Variants in STPG2 observed in about 807,000 individuals in gnomAD.
STPG2 encodes the protein sperm-tail PG-rich repeat-containing protein 2.
Under a neutral mutation model 54.2 loss-of-function variants are expected in STPG2, and 56 were observed. That is an observed-to-expected ratio of 1.03 (90% CI 0.83 to 1.29). STPG2 has a LOEUF of 1.29. Among genes scored for constraint, STPG2 ranks in the 50% most tolerant of loss-of-function variants. STPG2 has a pLI of 0.00. For missense variants in STPG2, 596 were observed against 544.9 expected (o/e 1.09, Z -0.93); for synonymous variants, 200 against 181.8 (o/e 1.10, Z -0.81).
intron 4 of STPG2, among the ~76,000 whole-genome samples, chr4:97,509,668 T>G (rs1730930214): frequency 1.3e-5 from 2 of 152,058 alleles, no homozygotes; most frequent in Admixed American, 1.3e-4. Context: ...ACTTTTAATA[T>G]TATGGAATAT....
chr4:97,893,466 A>T (rs1730844304), intron 8 of STPG2, among the ~76,000 whole-genome samples: 1 of 152,042 alleles, frequency 6.6e-6, no homozygotes, highest in African/African-American at 2.4e-5. Flanking sequence ...AGGGGTAGGA[A>T]ATTCAGGGCT....
At chr4:97,566,096 G>A (rs1218483162) in intron 10 of STPG2, among the ~76,000 whole-genome samples, 1 of 152,176 alleles carries the variant, frequency 6.6e-6, no homozygotes, top group African/African-American at 2.4e-5. Context: ...CACCCAGTTC[G>A]AGCTTCCAGG....
chr4:97,904,656 T>C (rs1022645129), intron 8 of STPG2, among the ~76,000 whole-genome samples: 2 of 152,130 alleles, frequency 1.3e-5, no homozygotes, highest in African/African-American at 4.8e-5. Flanking sequence ...ATCAAATTAC[T>C]CCGAGCTATG....
intron 8 of STPG2, among the ~76,000 whole-genome samples, chr4:97,879,139 T>A (rs1356103672): frequency 6.9e-6 from 1 of 145,492 alleles, no homozygotes; most frequent in African/African-American, 2.8e-5. Flanking sequence ...ATTGTGCATA[T>A]CATTATCAGA....
At chr4:97,638,880 CT>C (rs1275629066) in intron 10 of STPG2, among the ~76,000 whole-genome samples, 62 of 140,168 alleles carry the variant, frequency 4.4e-4, no homozygotes, top group African/African-American at 1.6e-3. Flanking sequence ...AATAGGAACA[CT>C]TTTACACTGT....
In STPG2 at chr4:97,503,264, T is replaced by G. The variant is rs192366563; in HGVS notation, c.462+209435A>C. 1.6e-4 allele frequency among the ~76,000 whole-genome samples: 25 copies of G among 152,108 alleles called. No homozygotes were observed. The East Asian group carries it at 4.5e-3, about 27-fold the overall frequency. On this transcript the variant is annotated intron_variant, in intron 4 of 4. Transcript: ENST00000522676. ...CTTAAAGTCAGCCATTGTGGAAGTA[T>G]TTACACCATGGAAATAGTCAAATGC... is the stretch of plus-strand genomic sequence containing the variant.
intron 1 of STPG2, 51 bp from the exon 2 acceptor site, chr4:98,134,510 T>C: frequency 8.4e-7 from 1 of 1,186,130 alleles, no homozygotes; most frequent in Admixed American, 2.5e-5. Flanking sequence ...GTCCAAGGAT[T>C]TCAGAGAAAA....
At chr4:97,732,022 C>A (rs1344951014) in intron 9 of STPG2, among the ~76,000 whole-genome samples, 1 of 152,242 alleles carries the variant, frequency 6.6e-6, no homozygotes, top group African/African-American at 2.4e-5. Flanking sequence ...TTGGGAGGGG[C>A]CCACAGACAG....
intron 4 of STPG2, among the ~76,000 whole-genome samples, chr4:97,540,314 A>T (rs1731662335): frequency 5.3e-5 from 8 of 152,194 alleles, no homozygotes; most frequent in Admixed American, 4.6e-4. Flanking sequence ...TCCCACAGAC[A>T]TACAAACTAC....
intron 8 of STPG2, chr4:97,917,415 G>A (rs1188556568): frequency 1.3e-5 from 2 of 152,214 alleles, no homozygotes; most frequent in South Asian, 2.1e-4. Flanking sequence ...CAGGCCAAGC[G>A]AGGGGCAAGC....
chr4:98,135,781 T>C (rs1740118750), intron 1 of STPG2, among the ~76,000 whole-genome samples: 1 of 151,824 alleles, frequency 6.6e-6, no homozygotes, highest in Admixed American at 6.6e-5. Flanking sequence ...AAGGTTCATT[T>C]TGAAAAGGCA....
At chr4:98,059,749 T>G (rs1199041337) in intron 5 of STPG2, among the ~76,000 whole-genome samples, 1 of 151,916 alleles carries the variant, frequency 6.6e-6, no homozygotes, top group African/African-American at 2.4e-5. Context: ...GGATGCAAGG[T>G]TGATTCAACA....
At chr4:97,552,709 T>C (rs993879535) in intron 4 of STPG2, among the ~76,000 whole-genome samples, 4 of 152,164 alleles carry the variant, frequency 2.6e-5, no homozygotes, top group Non-Finnish European at 5.9e-5. Flanking sequence ...TGAAGTGTAA[T>C]ACTTTTGATG....
At chr4:97,678,744 T>C (rs1578473960) in intron 10 of STPG2, among the ~76,000 whole-genome samples, 1 of 151,884 alleles carries the variant, frequency 6.6e-6, no homozygotes, top group African/African-American at 2.4e-5. Flanking sequence ...CATTTAGCAT[T>C]AGGTATATCT....
At chr4:98,029,388 G>A (rs565612411) in intron 5 of STPG2, among the ~76,000 whole-genome samples, 85 of 152,160 alleles carry the variant, frequency 5.6e-4, no homozygotes, top group Middle Eastern at 3.4e-3. Context: ...TAGGATTACC[G>A]TGTCTTCTCG....
At chr4:97,541,289 A>G (rs1560651624) in intron 4 of STPG2, among the ~76,000 whole-genome samples, 1 of 152,182 alleles carries the variant, frequency 6.6e-6, no homozygotes, top group Non-Finnish European at 1.5e-5. Context: ...ATACAAAATC[A>G]ATGTGCAAAA....
intron 8 of STPG2, among the ~76,000 whole-genome samples, chr4:97,929,599 G>A (rs553673849): frequency 6.6e-6 from 1 of 152,222 alleles, no homozygotes; most frequent in South Asian, 2.1e-4. Context: ...TCTCAGTATA[G>A]TTTTGATTTG....
intron 8 of STPG2, among the ~76,000 whole-genome samples, chr4:97,932,499 T>G (rs1386848171): frequency 6.6e-6 from 1 of 152,182 alleles, no homozygotes; most frequent in Non-Finnish European, 1.5e-5. Flanking sequence ...ATTAGCTATT[T>G]TTCCTGATGC....
At chr4:97,470,233 G>A (rs1171008469) in intron 4 of STPG2, among the ~76,000 whole-genome samples, 1 of 152,070 alleles carries the variant, frequency 6.6e-6, no homozygotes, top group Non-Finnish European at 1.5e-5. Flanking sequence ...AAATATGATA[G>A]ATGAATCCTC....
Sources: gnomAD v4.1 joint callset for allele counts (sites outside exome capture counted in the v4.1 genomes callset) on GRCh38, gnomAD v4.1.1 for gene constraint, MANE v1.5 for transcripts, NCBI Gene and HGNC (gene_info 2026-07-23, HGNC 2026-07-21) for gene names.